The following ANKRD27 variants were observed in gnomAD, a reference collection of about 807,000 sequenced individuals.
The protein encoded by ANKRD27 is ankyrin repeat domain-containing protein 27.
In ANKRD27, 112 loss-of-function variants were observed where a neutral mutation model predicts 129.7. That is an observed-to-expected ratio of 0.86 (90% CI 0.74 to 1.01). ANKRD27 has a LOEUF of 1.01. Among genes scored for constraint, ANKRD27 ranks in the 50% least tolerant of loss-of-function variants. ANKRD27 has a pLI of 0.00. For synonymous variants in ANKRD27, 516 were observed against 511.2 expected, an observed-to-expected ratio of 1.01 and a Z score of -0.13; for missense variants, 1,258 against 1,300.5, an observed-to-expected ratio of 0.97 and a Z score of 0.50.
At chr19:32,639,181 A>G (rs2302967) in intron 12 of ANKRD27, 175 bp downstream of exon 12, 453,113 of 669,450 alleles carry the variant, frequency 0.68, 155,094 homozygotes, top group African/African-American at 0.84. Context: ...CCACCAATTG[A>G]GGGCTTGGTG....
rs758720368 is a variant in ANKRD27, at chr19:32,625,987, G to C, written c.1537-21C>G. The C allele has an allele frequency of 1.4e-5, 22 of 1,586,354 alleles. No individual in the cohort carries two copies. The East Asian group carries it at 5.0e-4, about 36-fold the overall frequency. Reference sequence around the variant, plus strand: ...AGCAGCTGCGGAGATAAAGGAAAGCGATGAGCAGGGCACAGCCGGCTCCCT... The same window carrying C: ...AGCAGCTGCGGAGATAAAGGAAAGCCATGAGCAGGGCACAGCCGGCTCCCT... On this transcript the variant is annotated intron_variant, in intron 16 of 28. Coordinates refer to ENST00000306065, the MANE Select transcript of ANKRD27 (RefSeq NM_032139.3).
At chr19:32,606,497 G>A (rs917640315) in intron 23 of ANKRD27, among the ~76,000 whole-genome samples, 30 of 92,948 alleles carry the variant, frequency 3.2e-4, no homozygotes, top group African/African-American at 1.0e-3. Flanking sequence ...CAGGAGAAAA[G>A]GGACCAGGTG....
chr19:32,617,417 C>T (rs925204395), intron 21 of ANKRD27, among the ~76,000 whole-genome samples, 172 bp downstream of exon 21: 9 of 152,028 alleles, frequency 5.9e-5, no homozygotes, highest in African/African-American at 2.2e-4. Context: ...CATGGCCGCG[C>T]ACAACTGTGG....
rs183277504 is a variant in ANKRD27 at position 32,668,798 on chromosome 19, G to T, written c.-31+6273C>A. ...TGGGGTCTCGCTACATTGCCCAAGT[G>T]ATCCTCCTGCCTCAGCTCCCCCTAA... On this transcript the variant is annotated intron_variant, in intron 1 of 28. Coordinates refer to ENST00000306065, the MANE Select transcript of ANKRD27 (RefSeq NM_032139.3). Among the ~76,000 whole-genome samples, 22 of 152,070 alleles carry T rather than the reference G, an allele frequency of 1.4e-4. No homozygotes were observed. The East Asian group carries it at 4.3e-3, about 29-fold the overall frequency.
intron 2 of ANKRD27, among the ~76,000 whole-genome samples, chr19:32,652,243 A>C (rs80043923): frequency 0.015 from 2,274 of 152,352 alleles, 47 homozygotes; most frequent in East Asian, 0.052. Flanking sequence ...TTCAAGGCTT[A>C]ACCAAAAAAT....
intron 22 of ANKRD27, among the ~76,000 whole-genome samples, chr19:32,613,836 G>T (rs989449588): frequency 6.6e-6 from 1 of 151,834 alleles, no homozygotes; most frequent in Non-Finnish European, 1.5e-5. Context: ...AGCCTCCCGA[G>T]TAGCTGGGAC....
intron 2 of ANKRD27, among the ~76,000 whole-genome samples, chr19:32,654,772 G>A (rs1482871439): frequency 6.6e-6 from 1 of 151,956 alleles, no homozygotes; most frequent in Non-Finnish European, 1.5e-5. Context: ...TTTTTTGTTT[G>A]TTTTGTTTGT....
In ANKRD27 at chr19:32,619,331, A is replaced by T; in HGVS notation, c.1936T>A (p.Ser646Thr). 1 of 1,613,508 alleles carries T rather than the reference A, an allele frequency of 6.2e-7. No homozygotes were observed. Residue 646 changes from serine to threonine, a missense_variant, in exon 20 of 29, where the codon TCC becomes ACC. By Grantham distance (58) the Ser-to-Thr change is moderately conservative. Coordinates refer to ENST00000306065, the MANE Select transcript of ANKRD27 (RefSeq NM_032139.3). ...ATGGAGGAGAAGCTGGAAGTGGAGG[A>T]CTCTTGGCTGATGGAGTCCACGGAG... ...QRSVDSISQESSTSSFSSMSA... is the reference protein window; with the variant it reads ...QRSVDSISQETSTSSFSSMSA...
At chr19:32,616,370 T>C (rs1251426872) in intron 21 of ANKRD27, among the ~76,000 whole-genome samples, 2 of 151,988 alleles carry the variant, frequency 1.3e-5, no homozygotes, top group African/African-American at 4.8e-5. Context: ...CTGGCCAACA[T>C]GGTGAAACCC....
intron 17 of ANKRD27, among the ~76,000 whole-genome samples, chr19:32,624,525 C>T (rs1244039914): frequency 2.0e-5 from 3 of 152,136 alleles, no homozygotes; most frequent in Non-Finnish European, 4.4e-5. Flanking sequence ...GCCCCACACA[C>T]GTGTGTAAAT....
At chr19:32,598,461 T>C (rs1971603746) in intron 28 of ANKRD27, 83 bp from the exon 29 acceptor site, 5 of 1,293,972 alleles carry the variant, frequency 3.9e-6, no homozygotes, top group Middle Eastern at 1.9e-4. Flanking sequence ...TGCCCCTTAG[T>C]GCCTAGTGTC....
intron 1 of ANKRD27, among the ~76,000 whole-genome samples, chr19:32,669,344 G>C (rs751637909): frequency 6.6e-6 from 1 of 152,156 alleles, no homozygotes; most frequent in Non-Finnish European, 1.5e-5. Context: ...CAATAACTCA[G>C]CTATTTGAAT....
At chr19:32,650,316 C>T (rs1296909861) in intron 2 of ANKRD27, among the ~76,000 whole-genome samples, 2 of 152,166 alleles carry the variant, frequency 1.3e-5, no homozygotes, top group African/African-American at 4.8e-5. Flanking sequence ...CTTTGAGAGG[C>T]CAAGGCAGGC....
chr19:32,618,651 G>A (rs8101007), intron 20 of ANKRD27, among the ~76,000 whole-genome samples: 81,071 of 151,670 alleles, frequency 0.53, 22,093 homozygotes, highest in Non-Finnish European at 0.57. Flanking sequence ...ACGGCTTGTG[G>A]GTAGTGGGAC....
intron 13 of ANKRD27, among the ~76,000 whole-genome samples, chr19:32,630,144 G>A (rs1253227902): frequency 6.6e-6 from 1 of 152,014 alleles, no homozygotes; most frequent in African/African-American, 2.4e-5. Context: ...TTCTAATAGA[G>A]CATCAGCCTG....
At position 32,626,757 on chromosome 19, in the gene ANKRD27, G is replaced by A. The variant is rs1966890972; in HGVS notation, c.1491C>T (p.Ala497=). ...AMVNATDYHG[A]TPLHLACQKG... is the part of the protein sequence containing the mutation. ...TCTGACAGGCCAGGTGGAGCGGAGT[G>A]GCTCCATGGTAGTCTGTGGCATTTA... Residue 497 remains alanine (A), a synonymous_variant, in exon 16 of 29, where the codon GCC becomes GCT. Transcript: ENST00000306065. 6.2e-7 allele frequency: 1 copy of A among 1,612,332 alleles called. No homozygotes were observed. The highest frequency in any genetic ancestry group is 1.1e-5 in the South Asian group (1 of 90,642).
intron 12 of ANKRD27, among the ~76,000 whole-genome samples, chr19:32,632,304 G>C (rs1485599921): frequency 6.7e-6 from 1 of 148,408 alleles, no homozygotes; most frequent in African/African-American, 2.5e-5. Flanking sequence ...TAAATAAATA[G>C]GCCAGGCGCG....
intron 3 of ANKRD27, 35 bp from the exon 4 acceptor site, chr19:32,646,650 C>G (rs573674547): frequency 2.5e-6 from 4 of 1,600,686 alleles, no homozygotes; most frequent in Admixed American, 1.7e-5. Context: ...CACCAGCAGC[C>G]GGGGCAACCA....
intron 2 of ANKRD27, among the ~76,000 whole-genome samples, chr19:32,655,599 G>T (rs138378609): frequency 1.0e-3 from 153 of 152,328 alleles, no homozygotes; most frequent in African/African-American, 3.5e-3. Context: ...GCACTTAGTT[G>T]GCCAGGCATG....
Sources: gnomAD v4.1 joint callset for allele counts (sites outside exome capture counted in the v4.1 genomes callset) on GRCh38, gnomAD v4.1.1 for gene constraint, MANE v1.5 for transcripts, NCBI Gene and HGNC (gene_info 2026-07-23, HGNC 2026-07-21) for gene names.